PCDHA2: variants seen among roughly 807,000 people sequenced by gnomAD.
PCDHA2 encodes the protein protocadherin alpha-2.
PCDHA2 carries 58 observed loss-of-function variants against 66.0 expected under a neutral mutation model. The ratio of observed to expected loss-of-function variants is 0.88; its 90% confidence interval spans 0.71 to 1.09. The LOEUF (loss-of-function observed/expected upper bound fraction) is 1.09. Ranked by LOEUF, PCDHA2 falls within the 50% of genes least tolerant of loss-of-function variation. The probability of loss-of-function intolerance (pLI) is 0.00; values close to 1 mark genes in which losing one functional copy is unlikely to be tolerated. For missense variants in PCDHA2, 1,267 were observed against 1,242.3 expected (o/e 1.02, Z -0.30); for synonymous variants, 634 against 554.0 (o/e 1.14, Z -2.03).
At chr5:140,980,837 A>T (rs1189348118) in intron 2 of PCDHA2, among the ~76,000 whole-genome samples, 1 of 152,160 alleles carries the variant, frequency 6.6e-6, no homozygotes, top group Non-Finnish European at 1.5e-5. Context: ...TGTGAACCTA[A>T]ATAATACTAA....
At chr5:140,994,753 G>T (rs143791883) in intron 3 of PCDHA2, among the ~76,000 whole-genome samples, 6 of 152,252 alleles carry the variant, frequency 3.9e-5, no homozygotes, top group Non-Finnish European at 7.3e-5. Context: ...AGTAGGATGT[G>T]GAGAGGAAGA....
intron 1 of PCDHA2, chr5:140,822,097 A>G (rs2150113640): frequency 6.2e-7 from 1 of 1,614,242 alleles, no homozygotes; most frequent in Non-Finnish European, 8.5e-7. Context: ...CCTGGAGGTG[A>G]TCGTGGACAG....
chr5:140,927,894 C>T (rs372774238), intron 1 of PCDHA2: 2 of 1,614,208 alleles, frequency 1.2e-6, no homozygotes, highest in South Asian at 2.2e-5. Context: ...CTGACGTGAA[C>T]GATCATGCCC....
chr5:140,819,605 C>T (rs1261438222), intron 1 of PCDHA2, among the ~76,000 whole-genome samples: 1 of 152,002 alleles, frequency 6.6e-6, no homozygotes, highest in Non-Finnish European at 1.5e-5. Flanking sequence ...CCTGTGGAGT[C>T]TCCCATGAAA....
chr5:140,877,764 G>A, intron 1 of PCDHA2: 2 of 1,614,160 alleles, frequency 1.2e-6, no homozygotes, highest in Non-Finnish European at 1.7e-6. Context: ...CAGAGAGCCC[G>A]CCCAAGACGG....
intron 1 of PCDHA2, chr5:140,860,474 TA>T (rs1293657242): frequency 6.6e-6 from 1 of 152,154 alleles, no homozygotes; most frequent in African/African-American, 2.4e-5. Context: ...GTTGGTGCAG[TA>T]GTACTTTATT....
chr5:140,876,127 A>G lies in PCDHA2; in HGVS notation c.2388+78775A>G, dbSNP rs782626047. 2.5e-6 allele frequency: 4 copies of G among 1,613,984 alleles called. No homozygotes were observed. The South Asian group carries it at 3.3e-5, about 13-fold the overall frequency. ...ATTGCTGATGGTAATCGATGGCGGTAAACCAGAACTAACAGGGTCTGTCCA... is the reference window on the plus strand; with the variant it reads ...ATTGCTGATGGTAATCGATGGCGGTGAACCAGAACTAACAGGGTCTGTCCA... On this transcript the variant is annotated intron_variant, in intron 1 of 3. Coordinates refer to ENST00000526136, the MANE Select transcript of PCDHA2 (RefSeq NM_018905.3).
rs144400963 is a variant in PCDHA2, at chr5:140,797,257, C to A, written c.2293C>A (p.Pro765Thr). The A allele has an allele frequency of 2.2e-4, 360 of 1,614,096 alleles. No individual in the cohort carries two copies. Among genetic ancestry groups the A allele is most frequent in the Admixed American group, 5.3e-4 (32 of 60,012 alleles). ...RQRVCSGEDP[P>T]KTDLMAFSPS... ...GAGGGTGTGCTCTGGGGAGGACCCC[C>A]CCAAGACGGACCTCATGGCCTTCAG... Residue 765 changes from proline (P) to threonine (T), a missense_variant, in exon 1 of 4, where the codon CCC becomes ACC. Pro to Thr is a conservative substitution (Grantham distance 38). Transcript: ENST00000526136.
intron 1 of PCDHA2, among the ~76,000 whole-genome samples, chr5:140,840,993 A>C (rs1209699750): frequency 6.6e-6 from 1 of 152,060 alleles, no homozygotes; most frequent in Admixed American, 6.6e-5. Flanking sequence ...AGCTGAAACT[A>C]ATGTAAGGAG....
chr5:140,853,320 T>G lies in PCDHA2; in HGVS notation c.2388+55968T>G, dbSNP rs375907981. 1.5e-5 allele frequency: 15 copies of G among 984,926 alleles called. 1 individual carries two copies. The highest frequency in any genetic ancestry group is 5.3e-4 in the Middle Eastern group (1 of 1,886). The allele number at this position is 984,926 out of a possible 1,614,324, so 61.0% of individuals were successfully genotyped here. On this transcript the variant is annotated intron_variant, in intron 1 of 3. Coordinates refer to ENST00000526136, the MANE Select transcript of PCDHA2 (RefSeq NM_018905.3). ...GGGCTGTGAACACCTTAGTAATAAA[T>G]TTATCTTTTGAGGTCATTAGCAAAC...
chr5:140,907,789 G>A (rs187759241), intron 1 of PCDHA2, among the ~76,000 whole-genome samples: 1 of 152,330 alleles, frequency 6.6e-6, no homozygotes, highest in Non-Finnish European at 1.5e-5. Flanking sequence ...GCTGGGGAAA[G>A]AGGCTAAGTG....
intron 1 of PCDHA2, among the ~76,000 whole-genome samples, chr5:140,914,220 C>A (rs1210445622): frequency 6.6e-6 from 1 of 152,212 alleles, no homozygotes; most frequent in South Asian, 2.1e-4. Flanking sequence ...TCTCTTTTAG[C>A]TCTAATACTA....
At chr5:140,874,427 A>T (rs2054903457) in intron 1 of PCDHA2, among the ~76,000 whole-genome samples, 1 of 152,212 alleles carries the variant, frequency 6.6e-6, no homozygotes, top group African/African-American at 2.4e-5. Context: ...TTCTGAAGAG[A>T]AGCATGTCCT....
intron 1 of PCDHA2, among the ~76,000 whole-genome samples, chr5:140,906,929 C>T (rs1488297059): frequency 3.9e-5 from 6 of 152,122 alleles, no homozygotes; most frequent in African/African-American, 9.7e-5. Flanking sequence ...AAAAGTGTCC[C>T]GGTGTCAATC....
chr5:140,808,887 C>G (rs782248203), intron 1 of PCDHA2: 2 of 1,613,290 alleles, frequency 1.2e-6, no homozygotes, highest in Non-Finnish European at 1.7e-6. Context: ...GCACTGCTAG[C>G]GCCTCGGGCG....
chr5:140,883,320 C>T, intron 1 of PCDHA2: 1 of 1,614,112 alleles, frequency 6.2e-7, no homozygotes, highest in Non-Finnish European at 8.5e-7. Flanking sequence ...CCAGAGGTTA[C>T]CATCACTTCT....
In PCDHA2 at chr5:140,801,534, C is replaced by A. The variant is rs533872769; in HGVS notation, c.2388+4182C>A. The A allele has an allele frequency of 2.5e-6, 4 of 1,614,218 alleles. 1 individual carries two copies. The South Asian group carries it at 4.4e-5, about 18-fold the overall frequency. On this transcript the variant is annotated intron_variant, in intron 1 of 3. Transcript: ENST00000526136. ...CCACCTGGAGGTGATCGTGGACAGGCCGCTGCAGGTTTTCCATGTGGAGGT... is the reference window on the plus strand; with the variant it reads ...CCACCTGGAGGTGATCGTGGACAGGACGCTGCAGGTTTTCCATGTGGAGGT...
chr5:140,904,177 AC>A (rs1185990725), intron 1 of PCDHA2, among the ~76,000 whole-genome samples: 1 of 151,302 alleles, frequency 6.6e-6, no homozygotes, highest in Non-Finnish European at 1.5e-5. Flanking sequence ...TTTATTCCTC[AC>A]CCCCTTCCCA....
intron 1 of PCDHA2, among the ~76,000 whole-genome samples, chr5:140,947,169 G>GTA (rs1235035694): frequency 1.3e-5 from 2 of 150,968 alleles, no homozygotes; most frequent in Non-Finnish European, 3.0e-5. Context: ...AGAAAATGTG[G>GTA]TATATATTCA....
Sources: allele counts gnomAD v4.1 joint callset (sites outside exome capture counted in the v4.1 genomes callset), GRCh38; gene constraint gnomAD v4.1.1; transcripts MANE v1.5; gene names NCBI Gene and HGNC (gene_info 2026-07-23, HGNC 2026-07-21).